Variants in SHQ1 observed in about 807,000 individuals in gnomAD.
SHQ1 encodes protein SHQ1 homolog.
SHQ1 carries 49 observed loss-of-function variants against 53.8 expected under a neutral mutation model. The ratio of observed to expected loss-of-function variants is 0.91; its 90% confidence interval spans 0.72 to 1.16. SHQ1 has a LOEUF of 1.16. Among genes scored for constraint, SHQ1 ranks in the 50% most tolerant of loss-of-function variants. The pLI is 0.00. For synonymous variants in SHQ1, 243 were observed against 251.0 expected, an observed-to-expected ratio of 0.97 and a Z score of 0.30; for missense variants, 738 against 683.1, an observed-to-expected ratio of 1.08 and a Z score of -0.90.
rs754485995 is a variant in SHQ1 at position 72,792,997 on chromosome 3, T to G, written c.1100A>C (p.Lys367Thr). Residue 367 changes from lysine to threonine, a missense_variant, in exon 10 of 11, where the codon AAA (lysine) becomes ACA (threonine). Transcript: ENST00000325599. ...AVLKCLLDIH[K>T]IFQENDPAYI... is the part of the protein sequence containing the mutation. ...CGCTGGGTCATTTTCCTGAAAAATT[T>G]TGTGAATATCCAGGAGACACTTTAA... 3 of 1,612,010 alleles carry G rather than the reference T, an allele frequency of 1.9e-6. No individual in the cohort carries two copies. The African/African-American group carries it at 4.0e-5, about 22-fold the overall frequency.
rs539816070 is a variant in SHQ1 at position 72,834,485 on chromosome 3, G to A, written c.487-2004C>T. On this transcript the variant is annotated intron_variant, in intron 4 of 10. Transcript: ENST00000325599. ...GTGGAGGTTGCAGTGAGATGAGATC[G>A]TGCCACTGCACTCCAGCTTGGGCAA... Among the ~76,000 whole-genome samples the A allele has an allele frequency of 1.6e-4, 24 of 152,198 alleles. No individual in the cohort carries two copies. The East Asian group carries it at 3.5e-3, about 22-fold the overall frequency.
At chr3:72,798,054 A>G (rs935524742) in intron 9 of SHQ1, among the ~76,000 whole-genome samples, 1 of 152,168 alleles carries the variant, frequency 6.6e-6, no homozygotes, top group Non-Finnish European at 1.5e-5. Flanking sequence ...TCCTGTGGGG[A>G]TCTATCCAGT....
At chr3:72,757,362 A>G (rs1705517278) in intron 10 of SHQ1, among the ~76,000 whole-genome samples, 1 of 151,078 alleles carries the variant, frequency 6.6e-6, no homozygotes, top group South Asian at 2.1e-4. Context: ...CAAACAGTAG[A>G]TCAAATTTCT....
At chr3:72,777,426 C>T (rs965622781) in intron 10 of SHQ1, among the ~76,000 whole-genome samples, 2 of 152,138 alleles carry the variant, frequency 1.3e-5, no homozygotes, top group Non-Finnish European at 2.9e-5. Context: ...ACCAATGGCT[C>T]ATAAACACAT....
chr3:72,789,798 T>C (rs1370198428), intron 10 of SHQ1, among the ~76,000 whole-genome samples: 5 of 152,214 alleles, frequency 3.3e-5, no homozygotes, highest in African/African-American at 1.2e-4. Context: ...CAATGATCTC[T>C]CAACCAAGTG....
chr3:72,795,277 T>A (rs566812205), intron 9 of SHQ1: 1 of 152,366 alleles, frequency 6.6e-6, no homozygotes, highest in East Asian at 1.9e-4. Context: ...AGCTACAAGA[T>A]GTCAAGTTCA....
intron 10 of SHQ1, among the ~76,000 whole-genome samples, chr3:72,758,142 C>A (rs1481873286): frequency 2.6e-5 from 4 of 152,168 alleles, no homozygotes; most frequent in African/African-American, 7.2e-5. Context: ...AAATTCCTAT[C>A]TTGAATCTGA....
the SHQ1 span, among the ~76,000 whole-genome samples, chr3:72,742,624 T>A: frequency 6.8e-6 from 1 of 147,862 alleles, no homozygotes. Context: ...TTTTTCTTTT[T>A]TTTTTTTTTT....
chr3:72,745,881 C>T (rs1705250617), downstream of SHQ1, among the ~76,000 whole-genome samples: 1 of 150,852 alleles, frequency 6.6e-6, no homozygotes, highest in Non-Finnish European at 1.5e-5. Flanking sequence ...CTCACTCTGT[C>T]GCCCAGGCTG....
intron 9 of SHQ1, among the ~76,000 whole-genome samples, chr3:72,811,762 T>C (rs1348052545): frequency 6.6e-6 from 1 of 152,210 alleles, no homozygotes. Context: ...TGTGATTCTC[T>C]TCTTTAGGCC....
Position 72,817,400 on chromosome 3 carries a change from T to C in SHQ1, c.728-16A>G. 1.3e-6 allele frequency: 2 copies of C among 1,593,748 alleles called. No individual in the cohort carries two copies. The highest frequency in any genetic ancestry group is 2.3e-5 in the South Asian group (2 of 88,270). ...GAAAAAGACACTAGAAGAAAACGCA[T>C]TTAAAAACTAGATGTTTCATTCAGT... On this transcript the variant is annotated splice_polypyrimidine_tract_variant and intron_variant, in intron 6 of 10. Coordinates refer to ENST00000325599, the MANE Select transcript of SHQ1 (RefSeq NM_018130.3).
At chr3:72,733,381 A>G in the SHQ1 span, among the ~76,000 whole-genome samples, 3 of 151,602 alleles carry the variant, frequency 2.0e-5, no homozygotes, top group African/African-American at 7.3e-5. Context: ...TTGAGTCTCT[A>G]TGATGTGCTA....
At chr3:72,815,519 AG>A (rs1176484825) in intron 7 of SHQ1, 116 bp from the exon 8 acceptor site, 1 of 765,942 alleles carries the variant, frequency 1.3e-6, no homozygotes, top group African/African-American at 1.7e-5. Context: ...ATGAGAACTA[AG>A]AAGTGTTCAC....
chr3:72,756,448 GTTATT>G (rs2106709444), intron 10 of SHQ1, among the ~76,000 whole-genome samples: 1 of 151,364 alleles, frequency 6.6e-6, no homozygotes, highest in African/African-American at 2.4e-5. Flanking sequence ...GCTAATTTTT[GTTATT>G]TTTAGTAGAG....
intron 10 of SHQ1, among the ~76,000 whole-genome samples, chr3:72,759,682 C>A (rs1705571632): frequency 6.6e-6 from 1 of 152,122 alleles, no homozygotes; most frequent in African/African-American, 2.4e-5. Flanking sequence ...CAGAGGGAGA[C>A]TCTTGTGTCA....
At chr3:72,745,148 T>G (rs1196862907), downstream of SHQ1, among the ~76,000 whole-genome samples, 2 of 87,280 alleles carry the variant, frequency 2.3e-5, no homozygotes, top group South Asian at 2.9e-4. Flanking sequence ...AGGAGTCTGG[T>G]TTTTTTTTTT....
intron 9 of SHQ1, among the ~76,000 whole-genome samples, chr3:72,796,745 A>G (rs1434053242): frequency 6.6e-6 from 1 of 151,896 alleles, no homozygotes; most frequent in Non-Finnish European, 1.5e-5. Context: ...GCTTGAACCC[A>G]GGAGGTGGAC....
At chr3:72,754,391 T>G (rs952267620) in intron 10 of SHQ1, among the ~76,000 whole-genome samples, 1 of 151,836 alleles carries the variant, frequency 6.6e-6, no homozygotes. Context: ...CTTCTTTTTT[T>G]TTTTTTTGAG....
intron 9 of SHQ1, chr3:72,793,842 G>A (rs1706519431): frequency 6.6e-6 from 1 of 152,200 alleles, no homozygotes; most frequent in East Asian, 1.9e-4. Flanking sequence ...AAACATCATA[G>A]CACTACTTCA....
Sources: gnomAD v4.1 joint callset for allele counts (sites outside exome capture counted in the v4.1 genomes callset) on GRCh38, gnomAD v4.1.1 for gene constraint, MANE v1.5 for transcripts, NCBI Gene and HGNC (gene_info 2026-07-23, HGNC 2026-07-21) for gene names.